Variants in PEAK1 observed in about 807,000 individuals in gnomAD.
PEAK1 encodes pseudopodium enriched atypical kinase 1.
Under a neutral mutation model 124.7 loss-of-function variants are expected in PEAK1, and 54 were observed. The ratio of observed to expected loss-of-function variants is 0.43; its 90% CI spans 0.35 to 0.54. The LOEUF is 0.54. Among genes scored for constraint, PEAK1 ranks in the 20% least tolerant of loss-of-function variants. The pLI is 0.01. For synonymous variants in PEAK1, 719 were observed against 760.0 expected, an observed-to-expected ratio of 0.95 and a Z score of 0.89; for missense variants, 2,046 against 2,134.5, an observed-to-expected ratio of 0.96 and a Z score of 0.82.
In PEAK1 at chr15:77,240,228, T is replaced by C. The variant is rs544363883; in HGVS notation, c.-115+12139A>G. Among the ~76,000 whole-genome samples the C allele has an allele frequency of 9.8e-5, 15 of 152,386 alleles. No homozygotes were observed. The South Asian group carries it at 2.5e-3, about 25-fold the overall frequency. Reference sequence around the variant, plus strand: ...ACAACTTCTTAATAGGTAATATTCATTGAATTCTTATAAAAGTTTTAATTC... The same window carrying C: ...ACAACTTCTTAATAGGTAATATTCACTGAATTCTTATAAAAGTTTTAATTC... On this transcript the variant is annotated intron_variant, in intron 6 of 9. Coordinates refer to ENST00000682557, the MANE Select transcript of PEAK1 (RefSeq NM_001385026.1).
intron 6 of PEAK1, among the ~76,000 whole-genome samples, chr15:77,231,621 T>C (rs1429956142): frequency 6.6e-6 from 1 of 152,170 alleles, no homozygotes; most frequent in African/African-American, 2.4e-5. Flanking sequence ...GAGTATAATT[T>C]TCTTTTCAGA....
At chr15:77,312,805 G>C (rs904789556) in intron 2 of PEAK1, among the ~76,000 whole-genome samples, 1 of 152,172 alleles carries the variant, frequency 6.6e-6, no homozygotes, top group Non-Finnish European at 1.5e-5. Context: ...TCTCCCCAGT[G>C]GACTTGTACT....
intron 9 of PEAK1, among the ~76,000 whole-genome samples, chr15:77,122,648 C>T (rs1278806944): frequency 6.6e-6 from 1 of 152,174 alleles, no homozygotes; most frequent in Non-Finnish European, 1.5e-5. Flanking sequence ...CTTCCTAAAT[C>T]AATTCCCAGT....
intron 8 of PEAK1, among the ~76,000 whole-genome samples, chr15:77,143,178 A>G (rs1275610886): frequency 2.6e-5 from 4 of 152,066 alleles, no homozygotes; most frequent in Non-Finnish European, 2.9e-5. Flanking sequence ...CTAATGTGAG[A>G]CGTCAGACCA....
At position 77,334,713 on chromosome 15, in the gene PEAK1, CTCTT is replaced by C. The variant is rs1208870059; in HGVS notation, c.-603+30446_-603+30449del. Reference sequence around the variant, plus strand: ...TTAACAATGTGTGTGCTACATCTCTCTCTTTCTGATATTCTTGCTGTTTGTACAA... The same window carrying C: ...TTAACAATGTGTGTGCTACATCTCTCTCTGATATTCTTGCTGTTTGTACAA... On this transcript the variant is annotated intron_variant, in intron 2 of 9. Coordinates refer to ENST00000682557, the MANE Select transcript of PEAK1 (RefSeq NM_001385026.1). 28 of 985,188 alleles carry C rather than the reference CTCTT, an allele frequency of 2.8e-5. No individual in the cohort carries two copies. In the African/African-American group the frequency reaches 3.8e-4, roughly 14 times the overall value. 61.0% of individuals were successfully genotyped at this position (985,188 alleles called of 1,614,324 possible).
At chr15:77,279,493 C>T (rs576903945) in intron 5 of PEAK1, among the ~76,000 whole-genome samples, 1 of 152,306 alleles carries the variant, frequency 6.6e-6, no homozygotes, top group Admixed American at 6.5e-5. Context: ...AGTGATACCA[C>T]TGAGATGGAG....
chr15:77,180,539 C>T lies in PEAK1; in HGVS notation c.1388G>A (p.Arg463Gln), dbSNP rs765907927. 4.3e-6 allele frequency: 7 copies of T among 1,614,080 alleles called. No homozygotes were observed. The East Asian group carries it at 8.9e-5, about 21-fold the overall frequency. Residue 463 changes from arginine to glutamine, a missense_variant, in exon 7 of 10, where the codon CGA (arginine) becomes CAA (glutamine). Arg to Gln is a conservative substitution (Grantham distance 43). Coordinates refer to ENST00000682557, the MANE Select transcript of PEAK1 (RefSeq NM_001385026.1). ...VPTEEQAKPY[R>Q]VVNLEQPLCK... The stretch of plus-strand genomic sequence containing the variant: ...CAATGGCTGTTCCAGGTTCACAACT[C>T]GGTAAGGTTTTGCTTGCTCTTCTGT...
At chr15:77,119,597 A>T (rs2051725864) in intron 9 of PEAK1, among the ~76,000 whole-genome samples, 1 of 152,222 alleles carries the variant, frequency 6.6e-6, no homozygotes, top group African/African-American at 2.4e-5. Flanking sequence ...ATTGTCTTCC[A>T]GAATCATAGC....
intron 6 of PEAK1, among the ~76,000 whole-genome samples, chr15:77,251,017 T>C (rs1360462232): frequency 2.0e-5 from 3 of 152,238 alleles, no homozygotes; most frequent in Non-Finnish European, 2.9e-5. Flanking sequence ...TGCTATTTGA[T>C]TGACTTTTCA....
chr15:77,184,889 C>G (rs1031932321), intron 6 of PEAK1, among the ~76,000 whole-genome samples: 2 of 152,192 alleles, frequency 1.3e-5, no homozygotes, highest in African/African-American at 4.8e-5. Context: ...GACAAACAAA[C>G]AACTCATAGA....
At position 77,132,908 on chromosome 15, in the gene PEAK1, G is replaced by T. The variant is rs535972356; in HGVS notation, c.4077+97C>A. 718 of 1,256,146 alleles carry T rather than the reference G, an allele frequency of 5.7e-4. 1 individual carries two copies. The highest frequency in any genetic ancestry group is 7.5e-4 in the Non-Finnish European group (680 of 903,056). 77.8% of individuals were successfully genotyped at this position (1,256,146 alleles called of 1,614,324 possible). The stretch of plus-strand genomic sequence containing the variant: ...TAGATGCTCAATAATTTGCTGAATG[G>T]AAGAATGAAGGAAAGAAAGGAGAAA... On this transcript the variant is annotated intron_variant, in intron 9 of 9. Transcript: ENST00000682557.
At chr15:77,414,647 C>A (rs149685878) in intron 1 of PEAK1, among the ~76,000 whole-genome samples, 2 of 152,272 alleles carry the variant, frequency 1.3e-5, no homozygotes, top group East Asian at 3.9e-4. Context: ...TTCTAATCCT[C>A]AGTTTCTTCA....
At chr15:77,198,288 T>C (rs1430807089) in intron 6 of PEAK1, among the ~76,000 whole-genome samples, 2 of 152,350 alleles carry the variant, frequency 1.3e-5, no homozygotes, top group Non-Finnish European at 2.9e-5. Flanking sequence ...TAGTAAAAAG[T>C]GATTTCTTGA....
intron 6 of PEAK1, among the ~76,000 whole-genome samples, chr15:77,236,797 G>C (rs906674841): frequency 6.6e-6 from 1 of 152,162 alleles, no homozygotes; most frequent in African/African-American, 2.4e-5. Context: ...GAAGTGATGG[G>C]ATCATCGGGG....
At position 77,158,534 on chromosome 15, in the gene PEAK1, C is replaced by T. The variant is rs768448460; in HGVS notation, c.3300G>A (p.Pro1100=). 8.9e-5 allele frequency: 143 copies of T among 1,613,996 alleles called. No individual in the cohort carries two copies. Among genetic ancestry groups the T allele is most frequent in the Non-Finnish European group, 1.2e-4 (139 of 1,179,986 alleles). ...TGCTGTATGTTGCACTACAAGGGTT[C>T]GGGTCCATAGGATCTGAAATGTCTT... ...GKEDISDPMD[P]NPCSATYSNL... Residue 1100 remains proline, a synonymous_variant, in exon 8 of 10, where the codon CCG becomes CCA. Transcript: ENST00000682557.
chr15:77,150,224 G>A (rs1180104368), intron 8 of PEAK1, among the ~76,000 whole-genome samples: 1 of 152,088 alleles, frequency 6.6e-6, no homozygotes, highest in Non-Finnish European at 1.5e-5. Flanking sequence ...AACAGTAGGA[G>A]CCCTTCAGCA....
chr15:77,215,201 T>C (rs139081013), intron 6 of PEAK1, among the ~76,000 whole-genome samples: 77 of 152,346 alleles, frequency 5.1e-4, no homozygotes, highest in African/African-American at 1.8e-3. Context: ...ATATATTTAC[T>C]GTGAAGTTCA....
At chr15:77,403,019 C>T (rs1306686625) in intron 1 of PEAK1, 2 of 985,164 alleles carry the variant, frequency 2.0e-6, no homozygotes, top group African/African-American at 3.5e-5. Context: ...TACTTCCACT[C>T]TAAGCAATGA....
intron 2 of PEAK1, among the ~76,000 whole-genome samples, chr15:77,300,891 A>T (rs2063751955): frequency 6.6e-6 from 1 of 152,010 alleles, no homozygotes; most frequent in Admixed American, 6.6e-5. Flanking sequence ...TCCCTCTGTC[A>T]CCCAGGCTGG....
Sources: allele counts gnomAD v4.1 joint callset (sites outside exome capture counted in the v4.1 genomes callset), GRCh38; gene constraint gnomAD v4.1.1; transcripts MANE v1.5; gene names NCBI Gene and HGNC (gene_info 2026-07-23, HGNC 2026-07-21).